The following SRI variants were observed in gnomAD, a reference collection of about 807,000 sequenced individuals.
SRI encodes 22 kDa protein.
In SRI, 30 loss-of-function variants were observed where a neutral mutation model predicts 33.3. That is an observed-to-expected ratio of 0.90 (90% CI 0.67 to 1.22). SRI has a LOEUF of 1.22. Ranked by LOEUF, SRI falls within the 50% of genes most tolerant of loss-of-function variation. SRI has a pLI of 0.00. For missense variants in SRI, 243 were observed against 250.8 expected (o/e 0.97, Z 0.21); for synonymous variants, 75 against 89.9 (o/e 0.83, Z 0.94).
chr7:88,217,839 G>T (rs889735553), intron 2 of SRI, among the ~76,000 whole-genome samples: 1 of 152,180 alleles, frequency 6.6e-6, no homozygotes, highest in African/African-American at 2.4e-5. Context: ...CTTACATGCT[G>T]GAGGCACTGG....
At chr7:88,220,233 C>CT (rs1851858653), upstream of SRI, 1 of 983,654 alleles carries the variant, frequency 1.0e-6, no homozygotes, top group Non-Finnish European at 1.2e-6. Flanking sequence ...CATTACGGCG[C>CT]TAATGCAGTG....
chr7:88,219,560 GT>G, intron 1 of SRI: 1 of 189,740 alleles, frequency 5.3e-6, no homozygotes, highest in Non-Finnish European at 1.0e-5. Context: ...TTGTTTGTTT[GT>G]TTGTTTGTTT....
Position 88,226,908 on chromosome 7 carries a change from C to T in SRI, c.6+1G>A. The T allele has an allele frequency of 6.2e-7, 1 of 1,613,650 alleles. No homozygotes were observed. Among genetic ancestry groups the T allele is most frequent in the Non-Finnish European group, 8.5e-7 (1 of 1,179,742 alleles). On this transcript the variant is annotated splice_donor_variant, in intron 1 of 7. Coordinates refer to the SRI transcript ENST00000394641. LOFTEE classifies it high-confidence loss of function. ...ATATTATATACATATCATTTACTTG[C>T]CTGCATCTTGAGTTGAAGTCTTATA...
chr7:88,219,463 C>T (rs1851824813), intron 1 of SRI: 1 of 185,482 alleles, frequency 5.4e-6, no homozygotes, highest in Non-Finnish European at 1.1e-5. Context: ...ATCCCAGACG[C>T]CCGGCGAGGC....
chr7:88,216,846 A>G, intron 3 of SRI: 1 of 479,940 alleles, frequency 2.1e-6, no homozygotes, highest in Non-Finnish European at 3.8e-6. Flanking sequence ...ACAATCATAG[A>G]TTACTGCAGC....
upstream of SRI, among the ~76,000 whole-genome samples, chr7:88,221,780 T>A (rs895381424): frequency 6.6e-6 from 1 of 151,598 alleles, no homozygotes; most frequent in Non-Finnish European, 1.5e-5. Flanking sequence ...GCTGGTGCGC[T>A]GCACCCACTA....
At chr7:88,216,817 C>G (rs1851730318) in intron 3 of SRI, 1 of 355,218 alleles carries the variant, frequency 2.8e-6, no homozygotes, top group Non-Finnish European at 5.2e-6. Context: ...CTCTGTTGCT[C>G]AGGCTGGAGT....
chr7:88,220,060 T>A (rs1285122244), upstream of SRI: 9 of 1,513,178 alleles, frequency 5.9e-6, no homozygotes, highest in Non-Finnish European at 7.9e-6. Context: ...CCTCGCCCTG[T>A]GCGCCAGGCC....
intron 3 of SRI, chr7:88,214,991 A>G (rs1300684463): frequency 1.0e-5 from 5 of 477,002 alleles, no homozygotes; most frequent in Non-Finnish European, 2.0e-5. Context: ...CTGGAACACA[A>G]CTTCTCTCAC....
At chr7:88,211,883 T>A (rs1007679791) in intron 3 of SRI, among the ~76,000 whole-genome samples, 3 of 152,350 alleles carry the variant, frequency 2.0e-5, no homozygotes, top group Admixed American at 6.5e-5. Context: ...ACCTCACTTA[T>A]GTAACCAAAC....
In SRI at chr7:88,219,965, T is replaced by C. The variant is rs1315523818; in HGVS notation, c.51+11A>G. 54 of 1,540,048 alleles carry C rather than the reference T, an allele frequency of 3.5e-5. No individual in the cohort carries two copies. Among genetic ancestry groups the C allele is most frequent in the Non-Finnish European group, 4.2e-5 (48 of 1,146,284 alleles). On this transcript the variant is annotated intron_variant, in intron 1 of 7. Coordinates refer to ENST00000265729, the MANE Select transcript of SRI (RefSeq NM_003130.4). ...CCGCCTGGGCCGCGATCCCGCGCAG[T>C]CAGCACTTACCCCGCCTGGGTAGTA...
chr7:88,215,411 G>A (rs527717640), intron 3 of SRI, among the ~76,000 whole-genome samples: 1 of 152,326 alleles, frequency 6.6e-6, no homozygotes, highest in East Asian at 1.9e-4. Context: ...AAAGGATGTA[G>A]AATAACAGGC....
chr7:88,226,859 A>G (rs753088347), intron 1 of SRI: 52 of 1,588,990 alleles, frequency 3.3e-5, no homozygotes, highest in Non-Finnish European at 4.4e-5. Flanking sequence ...GAATTAGAAC[A>G]TTGGAGCTGC....
chr7:88,221,689 AT>A (rs200024309), upstream of SRI, among the ~76,000 whole-genome samples: 188 of 151,472 alleles, frequency 1.2e-3, 1 homozygote, highest in African/African-American at 3.5e-3. Flanking sequence ...AAAGAATTGA[AT>A]TTTTTTTTTA....
At chr7:88,223,394 T>C (rs1301084947), upstream of SRI, among the ~76,000 whole-genome samples, 1 of 152,060 alleles carries the variant, frequency 6.6e-6, no homozygotes, top group African/African-American at 2.4e-5. Context: ...GCCATCTGAC[T>C]CTAGAGTCTG....
upstream of SRI, among the ~76,000 whole-genome samples, chr7:88,223,805 G>A (rs184977289): frequency 2.2e-3 from 333 of 152,262 alleles, 1 homozygote; most frequent in African/African-American, 7.8e-3. Context: ...TCCAGAATGC[G>A]GGCTTATGAC....
At position 88,206,211 on chromosome 7, in the gene SRI, TAG is replaced by T. The variant is rs1317236454; in HGVS notation, c.*265_*266del. ...AACATTTTGCATACTTAAATTTACA[TAG>T]AGTTTTAGCAAGAAAATAAGGCATG... On this transcript the variant is annotated 3_prime_UTR_variant, in exon 8 of 8. Transcript: ENST00000265729. 2.0e-6 allele frequency: 1 copy of T among 510,380 alleles called. No individual in the cohort carries two copies. The allele number at this position is 510,380 out of a possible 1,614,324, so 31.6% of individuals were successfully genotyped here.
At chr7:88,226,404 A>G (rs1851996492) in intron 1 of SRI, among the ~76,000 whole-genome samples, 2 of 152,136 alleles carry the variant, frequency 1.3e-5, no homozygotes, top group African/African-American at 4.8e-5. Flanking sequence ...GATGTCGCAA[A>G]GTTTACACAG....
upstream of SRI, among the ~76,000 whole-genome samples, chr7:88,221,140 A>C (rs1255774606): frequency 6.6e-6 from 1 of 152,200 alleles, no homozygotes; most frequent in Non-Finnish European, 1.5e-5. Context: ...AAGGGTCATC[A>C]ACATTTCACA....
Sources: gnomAD v4.1 joint callset for allele counts (sites outside exome capture counted in the v4.1 genomes callset) on GRCh38, gnomAD v4.1.1 for gene constraint, MANE v1.5 for transcripts, NCBI Gene and HGNC (gene_info 2026-07-23, HGNC 2026-07-21) for gene names.